LRRC7: variants seen among roughly 807,000 people sequenced by gnomAD.
LRRC7 encodes the protein leucine rich repeat containing 7, also known as leucine-rich repeat-containing protein 7.
In LRRC7, 23 loss-of-function variants were observed where a neutral mutation model predicts 175.7. The ratio of observed to expected loss-of-function variants is 0.13; its 90% CI spans 0.09 to 0.19. LRRC7 has a LOEUF of 0.19. Among genes scored for constraint, LRRC7 ranks in the 10% least tolerant of loss-of-function variants. LRRC7 has a pLI of 1.00. For missense variants in LRRC7, 1,354 were observed against 1,904.7 expected (o/e 0.71, Z 5.38); for synonymous variants, 685 against 680.9 (o/e 1.01, Z -0.09).
intron 1 of LRRC7, among the ~76,000 whole-genome samples, chr1:69,605,715 A>G (rs1005856279): frequency 6.6e-6 from 1 of 152,196 alleles, no homozygotes; most frequent in African/African-American, 2.4e-5. Context: ...TTTGGGTCTT[A>G]AAATATAGAA....
chr1:69,803,567 T>G (rs1676769933), intron 4 of LRRC7, among the ~76,000 whole-genome samples: 1 of 151,442 alleles, frequency 6.6e-6, no homozygotes, highest in Non-Finnish European at 1.5e-5. Flanking sequence ...TGTAGAAACA[T>G]TACTAATTTT....
rs1666739412 is a variant in LRRC7, at chr1:70,133,085, TC to T, written c.*11199del. Among the ~76,000 whole-genome samples the T allele has an allele frequency of 1.3e-5, 2 of 152,166 alleles. No individual in the cohort carries two copies. Among genetic ancestry groups the T allele is most frequent in the South Asian group, 4.1e-4 (2 of 4,826 alleles). On this transcript the variant is annotated 3_prime_UTR_variant, in exon 27 of 27. Coordinates refer to ENST00000651989, the MANE Select transcript of LRRC7 (RefSeq NM_001370785.2). ...TATTTAGTTGTACACATCCGCATAC[TC>T]TTTTAAAGAAACATGTGTCTGCAGT...
At position 70,038,602 on chromosome 1, in the gene LRRC7, T is replaced by C; in HGVS notation, c.2778T>C (p.Phe926=). Residue 926 remains phenylalanine, a synonymous_variant, in exon 21 of 27, where the codon TTT becomes TTC. Transcript: ENST00000651989. ...AATCTACTGAAATACCTAGTCCTTT[T>C]TCTCCAGGCGTACCATGGGAGTATC... ...IKESTEIPSP[F]SPGVPWEYHD... is the part of the protein sequence containing the mutation. 1 of 1,614,126 alleles carries C rather than the reference T, an allele frequency of 6.2e-7. No individual in the cohort carries two copies. Among genetic ancestry groups the C allele is most frequent in the Non-Finnish European group, 8.5e-7 (1 of 1,179,994 alleles).
At chr1:70,074,412 C>T (rs1270242512) in intron 23 of LRRC7, among the ~76,000 whole-genome samples, 1 of 152,082 alleles carries the variant, frequency 6.6e-6, no homozygotes, top group Non-Finnish European at 1.5e-5. Context: ...GAAAAGGCTG[C>T]AATATCTTCT....
chr1:69,582,609 A>G (rs533065705), intron 1 of LRRC7, among the ~76,000 whole-genome samples: 2 of 152,334 alleles, frequency 1.3e-5, no homozygotes, highest in African/African-American at 2.4e-5. Context: ...TCCATCTGGT[A>G]TAAGTGGCTC....
chr1:69,765,669 T>C (rs1426154225), intron 3 of LRRC7, among the ~76,000 whole-genome samples: 2 of 152,096 alleles, frequency 1.3e-5, no homozygotes, highest in African/African-American at 4.8e-5. Context: ...TGATACAAAT[T>C]ATTAAGGTAT....
In LRRC7 at chr1:69,702,456, G is replaced by A. The variant is rs148064458; in HGVS notation, c.100+23978G>A. On this transcript the variant is annotated intron_variant, in intron 2 of 26. Coordinates refer to ENST00000651989, the MANE Select transcript of LRRC7 (RefSeq NM_001370785.2). ...AGGGATAATCCATGGTAGAACAATC[G>A]TTCCTGCATCATTGACCGCAAAATG... 4.2e-3 allele frequency among the ~76,000 whole-genome samples: 636 copies of A among 152,242 alleles called. 10 individuals are homozygous for A. Among genetic ancestry groups the A allele is most frequent in the African/African-American group, 0.015 (612 of 41,558 alleles).
At chr1:69,714,879 C>G (rs1665171007) in intron 2 of LRRC7, among the ~76,000 whole-genome samples, 1 of 152,146 alleles carries the variant, frequency 6.6e-6, no homozygotes, top group Middle Eastern at 3.4e-3. Context: ...CATTTATTAT[C>G]AGGAAATTAT....
chr1:69,856,308 A>G (rs1412479500), intron 7 of LRRC7, among the ~76,000 whole-genome samples: 5 of 152,224 alleles, frequency 3.3e-5, no homozygotes, highest in Admixed American at 1.3e-4. Context: ...TCTTCAAAAT[A>G]TCAATGAATC....
In LRRC7 at chr1:69,931,789, G is replaced by C. The variant is rs75341989; in HGVS notation, c.711+219G>C. On this transcript the variant is annotated intron_variant, in intron 8 of 26. Coordinates refer to ENST00000651989, the MANE Select transcript of LRRC7 (RefSeq NM_001370785.2). Reference sequence around the variant, plus strand: ...GTTTTGAGGACCAACTATGTGACAGGTGCCATGCTTAGTATGTTACATATG... The same window carrying C: ...GTTTTGAGGACCAACTATGTGACAGCTGCCATGCTTAGTATGTTACATATG... Among the ~76,000 whole-genome samples the C allele has an allele frequency of 5.3e-3, 805 of 152,270 alleles. 12 individuals are homozygous for C. The highest frequency in any genetic ancestry group is 0.018 in the African/African-American group (749 of 41,554).
intron 2 of LRRC7, among the ~76,000 whole-genome samples, chr1:69,679,166 T>A (rs1329478931): frequency 6.6e-6 from 1 of 152,090 alleles, no homozygotes; most frequent in East Asian, 1.9e-4. Flanking sequence ...ATTTTAAGTT[T>A]ATAAAATGAT....
chr1:69,887,735 C>T (rs1645686648), intron 7 of LRRC7, among the ~76,000 whole-genome samples: 2 of 149,558 alleles, frequency 1.3e-5, no homozygotes, highest in African/African-American at 2.5e-5. Flanking sequence ...TGTTTTTTCC[C>T]CATCTTTGTG....
intron 8 of LRRC7, among the ~76,000 whole-genome samples, chr1:69,947,292 TTTG>T (rs1189942172): frequency 1.3e-5 from 2 of 151,996 alleles, no homozygotes. Flanking sequence ...GTATTGCCAT[TTTG>T]TTAAGTATTT....
At position 69,963,310 on chromosome 1, in the gene LRRC7, A is replaced by G. The variant is rs1363010873; in HGVS notation, c.712-17069A>G. 2.0e-5 allele frequency among the ~76,000 whole-genome samples: 3 copies of G among 151,380 alleles called. No homozygotes were observed. The East Asian group carries it at 5.8e-4, about 29-fold the overall frequency. ...GACAGAGCAAGACACCGTCTCAAAA[A>G]AAAAAAAAAGAAAGAAAGAAACAAA... On this transcript the variant is annotated intron_variant, in intron 8 of 26. Transcript: ENST00000651989.
chr1:69,697,820 G>A (rs1301103968), intron 2 of LRRC7, among the ~76,000 whole-genome samples: 1 of 152,156 alleles, frequency 6.6e-6, no homozygotes, highest in African/African-American at 2.4e-5. Flanking sequence ...ACTGATATTG[G>A]AGGAGGTGGT....
intron 13 of LRRC7, among the ~76,000 whole-genome samples, chr1:70,014,962 T>G (rs959001753): frequency 2.0e-5 from 3 of 152,068 alleles, no homozygotes; most frequent in Non-Finnish European, 4.4e-5. Context: ...TGATTCTGGA[T>G]AGTTTTGCAC....
At chr1:69,811,605 T>A (rs1001362277) in intron 4 of LRRC7, among the ~76,000 whole-genome samples, 10 of 152,068 alleles carry the variant, frequency 6.6e-5, no homozygotes, top group Non-Finnish European at 1.5e-4. Flanking sequence ...AAAGGATAAG[T>A]TCATGTCCTT....
intron 7 of LRRC7, among the ~76,000 whole-genome samples, chr1:69,924,344 T>G (rs1049024906): frequency 6.6e-6 from 1 of 152,182 alleles, no homozygotes; most frequent in Non-Finnish European, 1.5e-5. Context: ...GTGAAGAAAG[T>G]CATTGGTAGC....
At position 69,820,738 on chromosome 1, in the gene LRRC7, C is replaced by T. The variant is rs1035218439; in HGVS notation, c.422-5010C>T. ...AGTATTCCATGGTGTATATGTGGCA[C>T]ATTTTCTTTATCCAGTCTATCATTG... is the stretch of plus-strand genomic sequence containing the variant. On this transcript the variant is annotated intron_variant, in intron 4 of 26. Transcript: ENST00000651989. Among the ~76,000 whole-genome samples the T allele has an allele frequency of 1.1e-4, 17 of 152,158 alleles. 1 individual carries two copies. Among genetic ancestry groups the T allele is most frequent in the African/African-American group, 3.9e-4 (16 of 41,426 alleles).
Sources: gnomAD v4.1 joint callset for allele counts (sites outside exome capture counted in the v4.1 genomes callset) on GRCh38, gnomAD v4.1.1 for gene constraint, MANE v1.5 for transcripts, NCBI Gene and HGNC (gene_info 2026-07-23, HGNC 2026-07-21) for gene names.